The following DSCAML1 variants were observed in gnomAD, a reference collection of about 807,000 sequenced individuals.
The protein encoded by DSCAML1 is DS cell adhesion molecule like 1, also known as cell adhesion molecule DSCAML1.
A neutral mutation model predicts 200.5 loss-of-function variants in DSCAML1; 38 were observed. The ratio of observed to expected loss-of-function variants is 0.19; its 90% CI spans 0.15 to 0.25. DSCAML1 has a LOEUF of 0.25. Among genes scored for constraint, DSCAML1 ranks in the 10% least tolerant of loss-of-function variants. The pLI, the probability that DSCAML1 is intolerant of heterozygous loss-of-function variation, is 1.00. For synonymous variants in DSCAML1, 1,215 were observed against 1,165.0 expected, an observed-to-expected ratio of 1.04 and a Z score of -0.87; for missense variants, 2,223 against 2,858.8, an observed-to-expected ratio of 0.78 and a Z score of 5.07.
In DSCAML1 at chr11:117,577,449, C is replaced by G. The variant is rs1391944799; in HGVS notation, c.512-44927G>C. Among the ~76,000 whole-genome samples the G allele has an allele frequency of 2.3e-3, 144 of 63,102 alleles. 3 individuals are homozygous for G. The highest frequency in any genetic ancestry group is 4.2e-3 in the African/African-American group (96 of 22,810). The allele number at this position is 63,102 out of a possible 152,430, so 41.4% of individuals were successfully genotyped here. On this transcript the variant is annotated intron_variant, in intron 3 of 32. Coordinates refer to ENST00000651296, the MANE Select transcript of DSCAML1 (RefSeq NM_020693.4). ...CCTTCCTTCCTTCTTTCCTTCCTTCCTTCCTTCCTTTCCTTCCTTCCTTCC... is the reference window on the plus strand; with the variant it reads ...CCTTCCTTCCTTCTTTCCTTCCTTCGTTCCTTCCTTTCCTTCCTTCCTTCC...
At chr11:117,575,237 G>A (rs1051308810) in intron 3 of DSCAML1, among the ~76,000 whole-genome samples, 3 of 152,256 alleles carry the variant, frequency 2.0e-5, no homozygotes, top group Admixed American at 1.3e-4. Flanking sequence ...AGAACAAGAC[G>A]CTCTGGGACC....
At chr11:117,513,281 G>A (rs1444066940) in intron 8 of DSCAML1, among the ~76,000 whole-genome samples, 1 of 152,084 alleles carries the variant, frequency 6.6e-6, no homozygotes, top group Non-Finnish European at 1.5e-5. Flanking sequence ...CTGGTGGTAC[G>A]GCAAGGCCCC....
At chr11:117,720,905 C>A (rs1214508311) in intron 3 of DSCAML1, among the ~76,000 whole-genome samples, 2 of 152,212 alleles carry the variant, frequency 1.3e-5, no homozygotes, top group East Asian at 3.8e-4. Flanking sequence ...TACGCTGAGT[C>A]CTACATGAGG....
At chr11:117,794,826 C>A (rs1366683786) in intron 1 of DSCAML1, among the ~76,000 whole-genome samples, 1 of 151,970 alleles carries the variant, frequency 6.6e-6, no homozygotes, top group African/African-American at 2.4e-5. Flanking sequence ...AATTAAGGCA[C>A]CAAGGAAAAG....
intron 14 of DSCAML1, among the ~76,000 whole-genome samples, chr11:117,472,682 A>T (rs2048709519): frequency 1.3e-5 from 2 of 152,186 alleles, no homozygotes; most frequent in Admixed American, 1.3e-4. Flanking sequence ...TTCACGATTT[A>T]TCCAGGGAGA....
At chr11:117,507,097 C>T (rs1396547114) in intron 8 of DSCAML1, among the ~76,000 whole-genome samples, 1 of 149,804 alleles carries the variant, frequency 6.7e-6, no homozygotes, top group African/African-American at 2.4e-5. Context: ...CTGGCTAGAG[C>T]ATCAGCCATT....
rs2055071915 is a variant in DSCAML1, at chr11:117,773,329, C to G, written c.511+3462G>C. Among the ~76,000 whole-genome samples the G allele has an allele frequency of 2.6e-5, 4 of 152,258 alleles. No homozygotes were observed. The South Asian group carries it at 8.3e-4, about 32-fold the overall frequency. ...CTTCTGTGTTCCAGCTCCTGCTGGA[C>G]TTGTGGTTTGTGAAGCTGAGCCCAG... On this transcript the variant is annotated intron_variant, in intron 3 of 32. Coordinates refer to ENST00000651296, the MANE Select transcript of DSCAML1 (RefSeq NM_020693.4).
At chr11:117,450,100 C>T (rs1200926622) in intron 20 of DSCAML1, among the ~76,000 whole-genome samples, 1 of 152,250 alleles carries the variant, frequency 6.6e-6, no homozygotes, top group Non-Finnish European at 1.5e-5. Context: ...CGTCTTTCCT[C>T]CTCCCTCAGC....
At chr11:117,633,349 A>C (rs1591344155) in intron 3 of DSCAML1, among the ~76,000 whole-genome samples, 1 of 152,148 alleles carries the variant, frequency 6.6e-6, no homozygotes, top group Non-Finnish European at 1.5e-5. Context: ...TCCTCCTCCC[A>C]ACTGCAAGAG....
At chr11:117,765,709 T>G (rs1282347667) in intron 3 of DSCAML1, among the ~76,000 whole-genome samples, 1 of 152,210 alleles carries the variant, frequency 6.6e-6, no homozygotes. Context: ...AAAATGTATT[T>G]TCTCTATACA....
chr11:117,514,582 T>TC (rs1565755715), intron 8 of DSCAML1, among the ~76,000 whole-genome samples: 11 of 120,372 alleles, frequency 9.1e-5, no homozygotes, highest in Non-Finnish European at 1.2e-4. Context: ...CTTTTTTTTT[T>TC]TTTTTTTTTT....
intron 1 of DSCAML1, among the ~76,000 whole-genome samples, chr11:117,781,291 GA>G (rs57780075): frequency 0.35 from 41,132 of 118,198 alleles, 6,686 homozygotes; most frequent in Admixed American, 0.45. Context: ...ACTCTGTCTC[GA>G]AAAAAAAAAA....
chr11:117,752,110 C>G (rs1278554797), intron 3 of DSCAML1, among the ~76,000 whole-genome samples: 1 of 152,164 alleles, frequency 6.6e-6, no homozygotes, highest in African/African-American at 2.4e-5. Context: ...CTCCCTAGAA[C>G]AAGCCTTCTC....
In DSCAML1 at chr11:117,518,543, C is replaced by T. The variant is rs201377296; in HGVS notation, c.1433G>A (p.Arg478His). ...TGTGCACCGGTACACGCCCCCGTCG[C>T]GGATCTGGGGGCCTGTGACGTTCAT... ...SHMNVTGPQI[R>H]DGGVYRCTAR... is the part of the protein sequence containing the mutation. The change falls in exon 7 of 33, where the codon CGC becomes CAC. Residue 478 changes from arginine to histidine, a missense_variant. Physicochemically the swap from Arg to His is conservative, Grantham distance 29. Transcript: ENST00000651296. The surrounding 1 kb of genome is among the most constrained non-coding windows in gnomAD (Gnocchi z 6.3). 98 of 1,614,204 alleles carry T rather than the reference C, an allele frequency of 6.1e-5. No individual in the cohort carries two copies. Among genetic ancestry groups the T allele is most frequent in the Admixed American group, 2.2e-4 (13 of 60,030 alleles).
intron 3 of DSCAML1, among the ~76,000 whole-genome samples, chr11:117,621,495 G>C (rs572413503): frequency 3.3e-5 from 5 of 152,350 alleles, no homozygotes; most frequent in Non-Finnish European, 7.3e-5. Context: ...GGGGAAGGCA[G>C]GGAGGATAAG....
intron 3 of DSCAML1, among the ~76,000 whole-genome samples, chr11:117,688,939 G>A (rs921084128): frequency 4.6e-5 from 7 of 152,128 alleles, no homozygotes; most frequent in East Asian, 1.9e-4. Context: ...TTCAGCTCTC[G>A]CCTACTGGCT....
intron 3 of DSCAML1, among the ~76,000 whole-genome samples, chr11:117,629,386 G>A (rs1162159584): frequency 1.3e-5 from 2 of 152,154 alleles, no homozygotes; most frequent in African/African-American, 2.4e-5. Context: ...GGGAGGCCAC[G>A]GAAGCTGATG....
At chr11:117,651,549 CAAAA>C (rs1294743366) in intron 3 of DSCAML1, among the ~76,000 whole-genome samples, 1 of 139,544 alleles carries the variant, frequency 7.2e-6, no homozygotes, top group Admixed American at 7.2e-5. Context: ...ACTAAAAATA[CAAAA>C]AAAAAAAAAT....
chr11:117,776,912 C>G lies in DSCAML1; in HGVS notation c.390G>C (p.Arg130=), dbSNP rs2134046129. The G allele has an allele frequency of 6.2e-7, 1 of 1,614,064 alleles. No homozygotes were observed. The highest frequency in any genetic ancestry group is 8.5e-7 in the Non-Finnish European group (1 of 1,180,040). The change falls in exon 3 of 33, where the codon CGG becomes CGC. Residue 130 remains arginine, a synonymous_variant. Transcript: ENST00000651296. ...KAVFREPYTV[R]VEDQRSMRGN... Reference sequence around the variant, plus strand: ...CACGCATTGACCTTTGATCCTCCACCCGGACGGTGTAGGGTTCCCTGAAAA... The same window carrying G: ...CACGCATTGACCTTTGATCCTCCACGCGGACGGTGTAGGGTTCCCTGAAAA...
Sources: gnomAD v4.1 joint callset for allele counts (sites outside exome capture counted in the v4.1 genomes callset) on GRCh38, gnomAD v4.1.1 for gene constraint, Gnocchi (gnomAD v3.1) non-coding constraint, MANE v1.5 for transcripts, NCBI Gene and HGNC (gene_info 2026-07-23, HGNC 2026-07-21) for gene names.